The following GRAMD1B variants were observed in gnomAD, a reference collection of about 807,000 sequenced individuals.
The protein encoded by GRAMD1B is protein Aster-B.
In GRAMD1B, 37 loss-of-function variants were observed where a neutral mutation model predicts 99.7. The ratio of observed to expected loss-of-function variants is 0.37; its 90% CI spans 0.29 to 0.49. The LOEUF (loss-of-function observed/expected upper bound fraction) is 0.49. Among genes scored for constraint, GRAMD1B ranks in the 20% least tolerant of loss-of-function variants. The pLI is 0.98. For missense variants in GRAMD1B, 888 were observed against 1,009.2 expected, an observed-to-expected ratio of 0.88 and a Z score of 1.63; for synonymous variants, 427 against 387.6, an observed-to-expected ratio of 1.10 and a Z score of -1.19.
chr11:123,397,760 T>C (rs1420177696), intron 1 of GRAMD1B, among the ~76,000 whole-genome samples: 2 of 152,108 alleles, frequency 1.3e-5, no homozygotes, highest in African/African-American at 4.8e-5. Flanking sequence ...CCTCCCACCT[T>C]GGCCTCCCAA....
chr11:123,387,378 T>G (rs952416096), intron 1 of GRAMD1B, among the ~76,000 whole-genome samples: 1 of 152,070 alleles, frequency 6.6e-6, no homozygotes, highest in Admixed American at 6.5e-5. Flanking sequence ...CCTACACACA[T>G]GTACATGAGG....
chr11:123,431,766 C>G (rs896981385), intron 1 of GRAMD1B, among the ~76,000 whole-genome samples: 1 of 152,202 alleles, frequency 6.6e-6, no homozygotes, highest in Non-Finnish European at 1.5e-5. Context: ...ACATCGATAC[C>G]TACAAGACTG....
At chr11:123,367,628 T>C (rs978717981) in intron 1 of GRAMD1B, among the ~76,000 whole-genome samples, 9 of 152,126 alleles carry the variant, frequency 5.9e-5, no homozygotes, top group African/African-American at 2.2e-4. Context: ...GCGTGATGAG[T>C]TGGAGCCTGC....
intron 2 of GRAMD1B, among the ~76,000 whole-genome samples, chr11:123,505,411 T>G (rs1467577864): frequency 6.6e-6 from 1 of 152,136 alleles, no homozygotes; most frequent in African/African-American, 2.4e-5. Flanking sequence ...ATCAATTCTG[T>G]GGGGGACATA....
chr11:123,400,332 T>C (rs1947615658), intron 1 of GRAMD1B, among the ~76,000 whole-genome samples: 1 of 151,958 alleles, frequency 6.6e-6, no homozygotes, highest in African/African-American at 2.4e-5. Context: ...CAAAAATTAG[T>C]CAGGCATGGT....
chr11:123,499,270 A>G (rs751901047), intron 2 of GRAMD1B, among the ~76,000 whole-genome samples: 1 of 152,230 alleles, frequency 6.6e-6, no homozygotes, highest in Non-Finnish European at 1.5e-5. Context: ...TACCTTCTGC[A>G]TGTTATAACA....
Position 123,612,767 on chromosome 11 carries a change from C to G in GRAMD1B, c.1926C>G (p.Ser642=), listed in dbSNP as rs755693230. The change falls in exon 15 of 20, where the codon TCC becomes TCG. Residue 642 remains serine (S), a synonymous_variant. Transcript: ENST00000635736. ...TGTCTGGCTTGCTCCTCAGGGTCTC[C>G]ACAGAGCTGCGCTATCGAAAACAGC... ...VARNKSRLRV[S]TELRYRKQPW... 33 of 1,594,454 alleles carry G rather than the reference C, an allele frequency of 2.1e-5. No individual in the cohort carries two copies. Among genetic ancestry groups the G allele is most frequent in the Middle Eastern group, 3.3e-4 (2 of 6,042 alleles).
chr11:123,411,627 A>G (rs764739458), intron 1 of GRAMD1B, among the ~76,000 whole-genome samples: 8 of 152,096 alleles, frequency 5.3e-5, no homozygotes, highest in Non-Finnish European at 7.3e-5. Flanking sequence ...TTCATTTTCA[A>G]TTAAGGAATT....
At chr11:123,620,636 A>T (rs1486633060) in intron 19 of GRAMD1B, among the ~76,000 whole-genome samples, 1 of 152,170 alleles carries the variant, frequency 6.6e-6, no homozygotes, top group Non-Finnish European at 1.5e-5. Context: ...CTACCCTTTC[A>T]AAAAGTGTTG....
chr11:123,408,666 G>T (rs1262315735), intron 1 of GRAMD1B, among the ~76,000 whole-genome samples: 2 of 152,222 alleles, frequency 1.3e-5, no homozygotes, highest in Non-Finnish European at 2.9e-5. Context: ...AAGAAGTTTG[G>T]CAAGACTACC....
intron 1 of GRAMD1B, among the ~76,000 whole-genome samples, chr11:123,392,061 G>C (rs1947301122): frequency 6.6e-6 from 1 of 152,130 alleles, no homozygotes; most frequent in Admixed American, 6.5e-5. Context: ...TGAGGGACTG[G>C]ACCATTCATG....
At chr11:123,494,350 C>A in intron 2 of GRAMD1B, among the ~76,000 whole-genome samples, 1 of 151,920 alleles carries the variant, frequency 6.6e-6, no homozygotes. Context: ...CACATGTTCC[C>A]CTTTCTCTGA....
At chr11:123,466,416 AAG>A (rs1950673263) in intron 1 of GRAMD1B, among the ~76,000 whole-genome samples, 1 of 151,606 alleles carries the variant, frequency 6.6e-6, no homozygotes, top group African/African-American at 2.4e-5. Flanking sequence ...GGAAGAAAGA[AAG>A]AGAAAAAGAA....
intron 2 of GRAMD1B, chr11:123,509,816 A>C (rs768402837): frequency 1.3e-5 from 2 of 152,320 alleles, no homozygotes; most frequent in Non-Finnish European, 2.9e-5. Flanking sequence ...CCTGCTGGGC[A>C]GGAAACCTAG....
intron 1 of GRAMD1B, among the ~76,000 whole-genome samples, chr11:123,464,823 G>A (rs12576499): frequency 0.13 from 19,512 of 152,170 alleles, 1,626 homozygotes; most frequent in East Asian, 0.32. Flanking sequence ...GGTAGGGAGT[G>A]GAGGAGAGAG....
At chr11:123,383,017 G>T (rs1457952088) in intron 1 of GRAMD1B, among the ~76,000 whole-genome samples, 1 of 152,202 alleles carries the variant, frequency 6.6e-6, no homozygotes, top group Admixed American at 6.5e-5. Context: ...AGCCTCCTGG[G>T]TCACAGAGCA....
intron 1 of GRAMD1B, among the ~76,000 whole-genome samples, chr11:123,463,998 G>T (rs140236121): frequency 6.6e-6 from 1 of 152,122 alleles, no homozygotes; most frequent in Admixed American, 6.5e-5. Flanking sequence ...CTTGGGAAGA[G>T]ACTTGACTAG....
At position 123,585,351 on chromosome 11, in the gene GRAMD1B, C is replaced by T. The variant is rs78030440; in HGVS notation, c.684+1019C>T. 6.2e-3 allele frequency among the ~76,000 whole-genome samples: 941 copies of T among 152,260 alleles called. 8 individuals carry two copies. The highest frequency in any genetic ancestry group is 0.022 in the African/African-American group (893 of 41,528). On this transcript the variant is annotated intron_variant, in intron 4 of 19. Coordinates refer to ENST00000635736, the MANE Select transcript of GRAMD1B (RefSeq NM_001387025.1). ...GGGCTGTGTGTGTTTTCCTACTTGGCGCTGGGCGGTTCCTCAAAGTCAGGC... is the reference window on the plus strand; with the variant it reads ...GGGCTGTGTGTGTTTTCCTACTTGGTGCTGGGCGGTTCCTCAAAGTCAGGC...
chr11:123,366,202 G>A (rs947382027), intron 1 of GRAMD1B, among the ~76,000 whole-genome samples: 1 of 152,160 alleles, frequency 6.6e-6, no homozygotes, highest in African/African-American at 2.4e-5. Flanking sequence ...GCATACCCAG[G>A]TAAAAAGGCT....
Sources: gnomAD v4.1 joint callset for allele counts (sites outside exome capture counted in the v4.1 genomes callset) on GRCh38, gnomAD v4.1.1 for gene constraint, MANE v1.5 for transcripts, NCBI Gene and HGNC (gene_info 2026-07-23, HGNC 2026-07-21) for gene names.